Variants in HNRNPF observed in about 807,000 individuals in gnomAD.
HNRNPF encodes the protein HnRNP F protein.
HNRNPF carries 2 observed loss-of-function variants against 26.0 expected under a neutral mutation model. The ratio of observed to expected loss-of-function variants is 0.08; its 90% CI spans 0.03 to 0.24. The LOEUF (loss-of-function observed/expected upper bound fraction) is 0.24, where lower values mean the gene tolerates loss of function less well. HNRNPF is among the 10% of genes least tolerant of loss of function. The pLI is 1.00. For missense variants in HNRNPF, 299 were observed against 539.2 expected, an observed-to-expected ratio of 0.55 and a Z score of 4.41; for synonymous variants, 234 against 211.5, an observed-to-expected ratio of 1.11 and a Z score of -0.92.
chr10:43,406,781 A>C (rs975532292), intron 1 of HNRNPF, among the ~76,000 whole-genome samples: 6 of 152,034 alleles, frequency 3.9e-5, no homozygotes, highest in African/African-American at 1.4e-4. Context: ...AAATGCTGGG[A>C]TTACAGGCGT....
At chr10:43,400,669 C>A (rs1838724100) in intron 1 of HNRNPF, among the ~76,000 whole-genome samples, 1 of 152,186 alleles carries the variant, frequency 6.6e-6, no homozygotes, top group African/African-American at 2.4e-5. Flanking sequence ...ACACTAATTC[C>A]ATTTAAAAAA....
At position 43,386,487 on chromosome 10, in the gene HNRNPF, A is replaced by C. The variant is rs1161579794; in HGVS notation, c.*150T>G. The C allele has an allele frequency of 1.4e-6, 1 of 715,660 alleles. No homozygotes were observed. Among genetic ancestry groups the C allele is most frequent in the Admixed American group, 2.8e-5 (1 of 35,716 alleles). The allele number at this position is 715,660 out of a possible 1,614,324, so 44.3% of individuals were successfully genotyped here. A position where few individuals can be genotyped will look rare whatever the true frequency, so the allele number is the denominator to read the frequency against. ...ATGCTAGAAGAAAATTTTGCATGAG[A>C]AAACACTGAAGAGGTAATTTTTTAA... is the stretch of plus-strand genomic sequence containing the variant. On this transcript the variant is annotated 3_prime_UTR_variant, in exon 4 of 4. Transcript: ENST00000682386.
intron 1 of HNRNPF, among the ~76,000 whole-genome samples, chr10:43,407,515 C>T (rs925442186): frequency 6.6e-6 from 1 of 152,068 alleles, no homozygotes; most frequent in Non-Finnish European, 1.5e-5. Flanking sequence ...CCTTGCTCCT[C>T]AAAACCCTGG....
In HNRNPF at chr10:43,387,865, C is replaced by A; in HGVS notation, c.20G>T (p.Gly7Val). 1.9e-6 allele frequency: 3 copies of A among 1,610,022 alleles called. No homozygotes were observed. The highest frequency in any genetic ancestry group is 2.5e-6 in the Non-Finnish European group (3 of 1,176,546). The change falls in exon 4 of 4, where the codon GGA becomes GTA. Residue 7 changes from glycine to valine, a missense_variant. Coordinates refer to ENST00000682386, the MANE Select transcript of HNRNPF (RefSeq NM_001098204.2). The surrounding 1 kb of genome is among the most constrained non-coding windows in gnomAD (Gnocchi z 6.0). MMLGPE[G>V]GEGFVVKLRG... ...GAGCTTGACCACAAAGCCTTCACCT[C>A]CCTCAGGGCCCAGCATCATGGACAC...
chr10:43,391,413 G>A (rs1028627997), intron 3 of HNRNPF, among the ~76,000 whole-genome samples: 6 of 151,206 alleles, frequency 4.0e-5, no homozygotes, highest in African/African-American at 9.7e-5. Context: ...AGTGGAGATC[G>A]CACCATTGTA....
intron 1 of HNRNPF, among the ~76,000 whole-genome samples, chr10:43,402,956 A>C (rs1046308054): frequency 6.6e-6 from 1 of 151,986 alleles, no homozygotes; most frequent in Non-Finnish European, 1.5e-5. Context: ...CTGCAATCAC[A>C]ACTCACTGCA....
chr10:43,390,204 TTG>T (rs571734011), intron 3 of HNRNPF, among the ~76,000 whole-genome samples: 82 of 152,300 alleles, frequency 5.4e-4, no homozygotes, highest in African/African-American at 1.9e-3. Flanking sequence ...CAAGTTTGTA[TTG>T]TGTCTCTTGG....
At chr10:43,406,843 A>C (rs1332332723) in intron 1 of HNRNPF, among the ~76,000 whole-genome samples, 1 of 152,142 alleles carries the variant, frequency 6.6e-6, no homozygotes, top group Non-Finnish European at 1.5e-5. Flanking sequence ...TGCACACCGG[A>C]ATGTAATACC....
rs1319295617 is a variant in HNRNPF, at chr10:43,386,683, T to A, written c.1202A>T (p.Tyr401Phe). 16 of 1,594,086 alleles carry A rather than the reference T, an allele frequency of 1.0e-5. No homozygotes were observed. Among genetic ancestry groups the A allele is most frequent in the Non-Finnish European group, 1.4e-5 (16 of 1,174,932 alleles). The change falls in exon 4 of 4, where the codon TAC becomes TTC. Residue 401 changes from tyrosine to phenylalanine, a missense_variant. Tyr to Phe is a conservative substitution (Grantham distance 22). Around this residue, in one of 6 missense-constraint regions of HNRNPF, gnomAD observed 53 missense variants for 72.4 expected, o/e 0.73. Coordinates refer to ENST00000682386, the MANE Select transcript of HNRNPF (RefSeq NM_001098204.2). ...GLESQSVSGC[Y>F]GAGYSGQNSM... ...GTTCTGCCCACTGTAGCCGGCCCCG[T>A]AACAGCCACTCACTGACTGGCTCTC... is the stretch of plus-strand genomic sequence containing the variant.
At chr10:43,404,545 A>T (rs989271145) in intron 1 of HNRNPF, among the ~76,000 whole-genome samples, 2 of 152,056 alleles carry the variant, frequency 1.3e-5, no homozygotes, top group Admixed American at 6.6e-5. Context: ...TTTCTTTCCA[A>T]AAACTCTCAT....
chr10:43,387,290 G>T lies in HNRNPF; in HGVS notation c.595C>A (p.Leu199Met). The part of the protein sequence containing the change: ...EEVRSYSDPP[L>M]KFMSVQRPGP... Reference sequence around the variant, plus strand: ...GGCCGCTGCACGGACATGAACTTCAGAGGGGGATCTGAGTATGACCTAACT... The same window carrying T: ...GGCCGCTGCACGGACATGAACTTCATAGGGGGATCTGAGTATGACCTAACT... The change falls in exon 4 of 4, where the codon CTG (leucine) becomes ATG (methionine). Residue 199 changes from leucine (L) to methionine (M), a missense_variant. Coordinates refer to ENST00000682386, the MANE Select transcript of HNRNPF (RefSeq NM_001098204.2). This position sits in a 1 kb window ranked among gnomAD's most constrained non-coding sequence, Gnocchi z 6.0. 6.2e-7 allele frequency: 1 copy of T among 1,614,236 alleles called. No individual in the cohort carries two copies. Among genetic ancestry groups the T allele is most frequent in the Non-Finnish European group, 8.5e-7 (1 of 1,180,050 alleles).
In HNRNPF at chr10:43,386,675, C is replaced by T. The variant is rs372531544; in HGVS notation, c.1210G>A (p.Gly404Ser). The T allele has an allele frequency of 3.7e-5, 59 of 1,584,696 alleles. No individual in the cohort carries two copies. Among genetic ancestry groups the T allele is most frequent in the Middle Eastern group, 1.7e-4 (1 of 5,882 alleles). Residue 404 changes from glycine to serine, a missense_variant, in exon 4 of 4, where the codon GGC becomes AGC. Gly to Ser is a moderately conservative substitution (Grantham distance 56). Coordinates refer to ENST00000682386, the MANE Select transcript of HNRNPF (RefSeq NM_001098204.2). ...CCCATGCTGTTCTGCCCACTGTAGC[C>T]GGCCCCGTAACAGCCACTCACTGAC... ...SQSVSGCYGA[G>S]YSGQNSMGGY...
chr10:43,387,935 G>T lies in HNRNPF; in HGVS notation c.-51C>A. ...GTGATCTTGGGTGTGGCTTTTTTGTGGCTGGAAAAAAAAAAAAGAAAAATT... is the reference window on the plus strand; with the variant it reads ...GTGATCTTGGGTGTGGCTTTTTTGTTGCTGGAAAAAAAAAAAAGAAAAATT... On this transcript the variant is annotated splice_region_variant and 5_prime_UTR_variant, in exon 4 of 4. Coordinates refer to ENST00000682386, the MANE Select transcript of HNRNPF (RefSeq NM_001098204.2). This position sits in a 1 kb window ranked among gnomAD's most constrained non-coding sequence, Gnocchi z 6.0. 6.8e-7 allele frequency: 1 copy of T among 1,463,580 alleles called. No individual in the cohort carries two copies. The highest frequency in any genetic ancestry group is 9.2e-7 in the Non-Finnish European group (1 of 1,085,514). The allele number at this position is 1,463,580 out of a possible 1,614,324, so 90.7% of individuals were successfully genotyped here. A position where few individuals can be genotyped will look rare whatever the true frequency, so the allele number is the denominator to read the frequency against.
chr10:43,403,983 C>T (rs1193474138), intron 1 of HNRNPF, among the ~76,000 whole-genome samples: 4 of 148,026 alleles, frequency 2.7e-5, no homozygotes, highest in Non-Finnish European at 4.5e-5. Flanking sequence ...CAAAGTGAAA[C>T]CCTTTCTCGA....
At chr10:43,402,385 T>C (rs1838780387) in intron 1 of HNRNPF, among the ~76,000 whole-genome samples, 1 of 151,668 alleles carries the variant, frequency 6.6e-6, no homozygotes, top group Non-Finnish European at 1.5e-5. Context: ...TCACTTCTAA[T>C]CCTTTATCGC....
intron 1 of HNRNPF, chr10:43,396,917 A>C (rs1314614900): frequency 5.2e-4 from 3 of 5,750 alleles, no homozygotes; most frequent in East Asian, 7.5e-3. Flanking sequence ...AGGGGAGGGG[A>C]GGGGGCCCCT....
chr10:43,388,458 T>C (rs1053788016), intron 3 of HNRNPF, among the ~76,000 whole-genome samples: 3 of 152,226 alleles, frequency 2.0e-5, no homozygotes, highest in Admixed American at 6.5e-5. Context: ...GTTGCCAGGA[T>C]ACAAGACAGC....
intron 3 of HNRNPF, among the ~76,000 whole-genome samples, chr10:43,391,456 CA>C (rs376694559): frequency 4.1e-5 from 6 of 147,030 alleles, no homozygotes; most frequent in South Asian, 2.2e-4. Flanking sequence ...AGACTAACTC[CA>C]AAAAAAAACC....
At chr10:43,398,064 G>C (rs893685050) in intron 1 of HNRNPF, among the ~76,000 whole-genome samples, 3 of 152,184 alleles carry the variant, frequency 2.0e-5, no homozygotes, top group African/African-American at 7.2e-5. Flanking sequence ...TTTTCACTCT[G>C]TCACCCAGGC....
Sources: allele counts gnomAD v4.1 joint callset (sites outside exome capture counted in the v4.1 genomes callset), GRCh38; gene constraint gnomAD v4.1.1; regional missense constraint gnomAD v4.1.1; non-coding constraint Gnocchi (gnomAD v3.1); transcripts MANE v1.5; gene names NCBI Gene and HGNC (gene_info 2026-07-23, HGNC 2026-07-21).